Variants in ADIPOR2 observed in about 807,000 individuals in gnomAD.
ADIPOR2 encodes adiponectin receptor protein 2.
A neutral mutation model predicts 40.9 loss-of-function variants in ADIPOR2; 18 were observed. The observed-to-expected ratio is 0.44, with a 90% CI of 0.30 to 0.65. The LOEUF (loss-of-function observed/expected upper bound fraction) is 0.65. Among genes scored for constraint, ADIPOR2 ranks in the 30% least tolerant of loss-of-function variants. The pLI is 0.09. For synonymous variants in ADIPOR2, 165 were observed against 166.4 expected (o/e 0.99, Z 0.06); for missense variants, 283 against 479.2 (o/e 0.59, Z 3.82).
intron 2 of ADIPOR2, among the ~76,000 whole-genome samples, chr12:1,756,776 G>A (rs1862141911): frequency 1.3e-5 from 2 of 152,112 alleles, no homozygotes; most frequent in African/African-American, 4.8e-5. Context: ...CATGGTGGGA[G>A]CAGCAGAAAT....
chr12:1,730,759 C>CCTA (rs1240859247), intron 1 of ADIPOR2: 1 of 152,074 alleles, frequency 6.6e-6, no homozygotes, highest in Non-Finnish European at 1.5e-5. Flanking sequence ...CTCATTAGCA[C>CCTA]CTCTACTAAG....
chr12:1,695,533 C>T (rs752268003), intron 1 of ADIPOR2, among the ~76,000 whole-genome samples: 5 of 151,638 alleles, frequency 3.3e-5, no homozygotes, highest in Admixed American at 6.6e-5. Context: ...TATGGTGGCG[C>T]GCGCCTGTAA....
At position 1,788,623 on chromosome 12, in the gene ADIPOR2, G is replaced by A. The variant is rs764473778; in HGVS notation, c.*2551G>A. 6.6e-6 allele frequency: 1 copy of A among 152,580 alleles called. No homozygotes were observed. The highest frequency in any genetic ancestry group is 1.5e-5 in the Non-Finnish European group (1 of 68,012). 9.5% of individuals were successfully genotyped at this position (152,580 alleles called of 1,614,324 possible). On this transcript the variant is annotated 3_prime_UTR_variant, in exon 8 of 8. Transcript: ENST00000357103. ...CTGTGTGATGGTTCCATTGATGTGG[G>A]ATTTCCCTACTTGCTGTATTCTCAG...
intron 1 of ADIPOR2, among the ~76,000 whole-genome samples, chr12:1,725,557 C>T (rs1474047284): frequency 6.6e-6 from 1 of 152,120 alleles, no homozygotes; most frequent in African/African-American, 2.4e-5. Context: ...TACAGTTTTA[C>T]CTTTTGCTAA....
chr12:1,755,672 A>G (rs1422290567), intron 2 of ADIPOR2, among the ~76,000 whole-genome samples: 1 of 152,234 alleles, frequency 6.6e-6, no homozygotes, highest in African/African-American at 2.4e-5. Flanking sequence ...TCAGAAAGTC[A>G]TTGTTACAGA....
intron 2 of ADIPOR2, chr12:1,757,736 T>G (rs1862170366): frequency 7.8e-7 from 1 of 1,280,932 alleles, no homozygotes. Context: ...TCCCCCGTCT[T>G]GTCAATGCTG....
intron 1 of ADIPOR2, among the ~76,000 whole-genome samples, chr12:1,691,687 C>T (rs971902623): frequency 1.3e-5 from 2 of 152,164 alleles, no homozygotes; most frequent in Non-Finnish European, 2.9e-5. Context: ...TCACCTTTTT[C>T]AGGTGGCGCG....
chr12:1,767,609 G>A (rs1257691228), intron 2 of ADIPOR2, among the ~76,000 whole-genome samples: 1 of 152,032 alleles, frequency 6.6e-6, no homozygotes, highest in Admixed American at 6.6e-5. Flanking sequence ...GCTTCAACCT[G>A]TCAACTTGTA....
At chr12:1,701,882 G>T (rs1426930577) in intron 1 of ADIPOR2, among the ~76,000 whole-genome samples, 1 of 152,180 alleles carries the variant, frequency 6.6e-6, no homozygotes, top group Non-Finnish European at 1.5e-5. Context: ...AGCACTTTGG[G>T]AGGCTGAGGT....
At chr12:1,762,017 A>G (rs1055306633) in intron 2 of ADIPOR2, among the ~76,000 whole-genome samples, 2 of 152,318 alleles carry the variant, frequency 1.3e-5, no homozygotes, top group African/African-American at 4.8e-5. Flanking sequence ...ATTTCAGGAC[A>G]TTCTTCTCCA....
intron 1 of ADIPOR2, among the ~76,000 whole-genome samples, chr12:1,742,067 T>G (rs1020786206): frequency 6.6e-6 from 1 of 152,110 alleles, no homozygotes; most frequent in Non-Finnish European, 1.5e-5. Context: ...CAGAGAATTG[T>G]GAGAGCCAGG....
chr12:1,699,641 A>C (rs1009845947), intron 1 of ADIPOR2, among the ~76,000 whole-genome samples: 1 of 152,218 alleles, frequency 6.6e-6, no homozygotes, highest in Non-Finnish European at 1.5e-5. Flanking sequence ...ACAAGAGCGA[A>C]ACTCCGTCTT....
chr12:1,747,246 A>C (rs11061963), intron 1 of ADIPOR2, among the ~76,000 whole-genome samples: 1 of 152,118 alleles, frequency 6.6e-6, no homozygotes, highest in Non-Finnish European at 1.5e-5. Flanking sequence ...AAAAAGATTG[A>C]AATTACACAA....
chr12:1,746,768 G>C (rs1318564395), intron 1 of ADIPOR2, among the ~76,000 whole-genome samples: 2 of 152,200 alleles, frequency 1.3e-5, no homozygotes, highest in African/African-American at 4.8e-5. Flanking sequence ...GGTGGCTCAC[G>C]CCTATAATCC....
At chr12:1,747,386 G>A (rs536250493) in intron 1 of ADIPOR2, among the ~76,000 whole-genome samples, 17 of 151,446 alleles carry the variant, frequency 1.1e-4, no homozygotes, top group South Asian at 6.3e-4. Flanking sequence ...AGAAAATATC[G>A]AGACAAAAAC....
intron 1 of ADIPOR2, among the ~76,000 whole-genome samples, chr12:1,701,152 CAG>C (rs2094649502): frequency 1.2e-5 from 1 of 86,870 alleles, no homozygotes; most frequent in Non-Finnish European, 2.3e-5. Flanking sequence ...TTTTTGGAAA[CAG>C]GGTCTCACTC....
intron 1 of ADIPOR2, among the ~76,000 whole-genome samples, chr12:1,726,165 A>C (rs555447621): frequency 2.6e-4 from 40 of 152,292 alleles, no homozygotes; most frequent in Non-Finnish European, 4.4e-4. Context: ...TGAGGTATGA[A>C]CTGAAGGGAA....
At chr12:1,732,255 G>A (rs2094721969) in intron 1 of ADIPOR2, among the ~76,000 whole-genome samples, 1 of 152,138 alleles carries the variant, frequency 6.6e-6, no homozygotes, top group Non-Finnish European at 1.5e-5. Context: ...TGTATGAAAG[G>A]TATCCACTAT....
At chr12:1,719,063 C>T (rs1273541789) in intron 1 of ADIPOR2, among the ~76,000 whole-genome samples, 1 of 152,060 alleles carries the variant, frequency 6.6e-6, no homozygotes, top group Non-Finnish European at 1.5e-5. Flanking sequence ...CTAGGTGTTG[C>T]TCCTTCTCAG....
Sources: gnomAD v4.1 joint callset for allele counts (sites outside exome capture counted in the v4.1 genomes callset) on GRCh38, gnomAD v4.1.1 for gene constraint, MANE v1.5 for transcripts, NCBI Gene and HGNC (gene_info 2026-07-23, HGNC 2026-07-21) for gene names.